PIK3R4: variants seen among roughly 807,000 people sequenced by gnomAD.
The protein encoded by PIK3R4 is phosphoinositide 3-kinase regulatory subunit 4.
PIK3R4 carries 46 observed loss-of-function variants against 136.5 expected under a neutral mutation model. The ratio of observed to expected loss-of-function variants is 0.34; its 90% CI spans 0.27 to 0.43. The LOEUF (loss-of-function observed/expected upper bound fraction) is 0.43. PIK3R4 is among the 20% of genes least tolerant of loss of function. The pLI, the probability that PIK3R4 is intolerant of heterozygous loss-of-function variation, is 1.00. For missense variants in PIK3R4, 1,331 were observed against 1,649.5 expected (o/e 0.81, Z 3.35); for synonymous variants, 557 against 566.7 (o/e 0.98, Z 0.24).
At chr3:130,734,270 C>T in intron 3 of PIK3R4, 140 bp from the exon 4 acceptor site, 1 of 662,010 alleles carries the variant, frequency 1.5e-6, no homozygotes, top group Non-Finnish European at 2.6e-6. Context: ...CTCCATCATC[C>T]TAGAAAGCAG....
chr3:130,713,736 G>A (rs192825566), intron 9 of PIK3R4, among the ~76,000 whole-genome samples: 30 of 152,226 alleles, frequency 2.0e-4, no homozygotes, highest in African/African-American at 6.3e-4. Flanking sequence ...GCAATGGCGC[G>A]ATCTCAGCTC....
At position 130,690,616 on chromosome 3, in the gene PIK3R4, T is replaced by G. The variant is rs769162853; in HGVS notation, c.3137A>C (p.Lys1046Thr). Residue 1046 changes from lysine (K) to threonine (T), a missense_variant, in exon 14 of 20, where the codon AAG (lysine) becomes ACG (threonine). This residue lies in a region of PIK3R4 where 1,180 missense variants were observed against 1,407.0 expected (regional missense o/e 0.84). Coordinates refer to ENST00000356763, the MANE Select transcript of PIK3R4 (RefSeq NM_014602.3). Reference protein sequence around the residue: ...LTYSRIGGRVKTLTFCQGSHY... With the variant: ...LTYSRIGGRVTTLTFCQGSHY... ...GGAGCCTTGGCAGAATGTGAGCGTC[T>G]TGACTCGTCCTCCAATTCGGCTGTA... is the stretch of plus-strand genomic sequence containing the variant. 11 of 1,611,444 alleles carry G rather than the reference T, an allele frequency of 6.8e-6. No homozygotes were observed. Among genetic ancestry groups the G allele is most frequent in the African/African-American group, 1.3e-5 (1 of 74,978 alleles).
intron 12 of PIK3R4, among the ~76,000 whole-genome samples, chr3:130,705,289 G>A (rs1053523647): frequency 1.3e-5 from 2 of 152,196 alleles, no homozygotes; most frequent in Non-Finnish European, 2.9e-5. Context: ...GCATTAAACA[G>A]GCAAAACCTA....
intron 13 of PIK3R4, among the ~76,000 whole-genome samples, chr3:130,700,685 T>C (rs1292948417): frequency 6.6e-6 from 1 of 152,212 alleles, no homozygotes; most frequent in African/African-American, 2.4e-5. Flanking sequence ...GAAACTCCTC[T>C]TAGTCAGAAT....
chr3:130,721,110 C>T (rs1405303042), intron 7 of PIK3R4, among the ~76,000 whole-genome samples: 5 of 151,286 alleles, frequency 3.3e-5, no homozygotes, highest in South Asian at 2.1e-4. Context: ...CTGAGGCGGG[C>T]GGATCACGAG....
At chr3:130,693,127 G>A (rs746645877) in intron 13 of PIK3R4, among the ~76,000 whole-genome samples, 3 of 152,094 alleles carry the variant, frequency 2.0e-5, no homozygotes, top group Non-Finnish European at 4.4e-5. Flanking sequence ...TTAGCATACT[G>A]TTTTCAAGGT....
chr3:130,690,112 TCA>T, intron 14 of PIK3R4, among the ~76,000 whole-genome samples: 1 of 152,288 alleles, frequency 6.6e-6, no homozygotes, highest in Middle Eastern at 3.4e-3. Flanking sequence ...TGAAGAACAC[TCA>T]CATTCTCAAA....
rs757385067 is a variant in PIK3R4 at position 130,733,748 on chromosome 3, C to T, written c.1250G>A (p.Arg417His). The change falls in exon 4 of 20, where the codon CGT becomes CAT. Residue 417 changes from arginine to histidine, a missense_variant. By Grantham distance (29) the Arg-to-His change is conservative. Around this residue, in one of 2 missense-constraint regions of PIK3R4, gnomAD observed 1,180 missense variants for 1,407.0 expected, o/e 0.84. Transcript: ENST00000356763. ...GAAATGCAAAAGATATGGAGTAATA[C>T]GATCCAAAAGGATTTCAACACTTAA... The part of the protein sequence containing the change: ...PRLSVEILLD[R>H]ITPYLLHFSN... 62 of 1,613,984 alleles carry T rather than the reference C, an allele frequency of 3.8e-5. No individual in the cohort carries two copies. Among genetic ancestry groups the T allele is most frequent in the Non-Finnish European group, 4.6e-5 (54 of 1,179,994 alleles).
chr3:130,735,772 G>A (rs1250592587), intron 3 of PIK3R4, 97 bp downstream of exon 3: 2 of 1,115,550 alleles, frequency 1.8e-6, no homozygotes, highest in Admixed American at 4.6e-5. Flanking sequence ...TTTACTGCTT[G>A]ATTCCAAATT....
intron 2 of PIK3R4, among the ~76,000 whole-genome samples, chr3:130,740,647 T>C (rs887769262): frequency 5.3e-5 from 8 of 152,072 alleles, no homozygotes; most frequent in Non-Finnish European, 8.8e-5. Context: ...GGCAGCAGCA[T>C]GATACCCAGG....
Position 130,679,307 on chromosome 3 carries a change from A to G in PIK3R4, c.*8T>C. The G allele has an allele frequency of 6.5e-7, 1 of 1,545,816 alleles. No individual in the cohort carries two copies. Among genetic ancestry groups the G allele is most frequent in the Non-Finnish European group, 8.8e-7 (1 of 1,134,062 alleles). ...ATAACTATTAAAATTTATACAAATC[A>G]GTAGGTTTTATTTCCACACCTTCAC... is the stretch of plus-strand genomic sequence containing the variant. On this transcript the variant is annotated 3_prime_UTR_variant, in exon 20 of 20. Coordinates refer to ENST00000356763, the MANE Select transcript of PIK3R4 (RefSeq NM_014602.3).
At chr3:130,705,848 T>A in intron 11 of PIK3R4, 77 bp from the exon 12 acceptor site, 2 of 754,306 alleles carry the variant, frequency 2.7e-6, no homozygotes, top group Non-Finnish European at 4.4e-6. Flanking sequence ...TGCATGTTTT[T>A]ATCTATAAAT....
chr3:130,745,082 C>T lies in PIK3R4; in HGVS notation c.137G>A (p.Arg46Gln), dbSNP rs765466339. The change falls in exon 2 of 20, where the codon CGA becomes CAA. Residue 46 changes from arginine to glutamine, a missense_variant. Around this residue, in one of 2 missense-constraint regions of PIK3R4, gnomAD observed 151 missense variants for 242.5 expected, o/e 0.62. Transcript: ENST00000356763. ...AACCTTCACAACGACCAGGCCTTCT[C>T]GGTGCTTGGCTCGAGCAACTTTAAA... The part of the protein sequence containing the change: ...RFFKVARAKH[R>Q]EGLVVVKVFA... 2.5e-6 allele frequency: 4 copies of T among 1,613,838 alleles called. No homozygotes were observed. Among genetic ancestry groups the T allele is most frequent in the Non-Finnish European group, 8.5e-7 (1 of 1,179,970 alleles).
rs1217485683 is a variant in PIK3R4 at position 130,679,033 on chromosome 3, T to TA, written c.*281dup. ...TTCAACCATCTTTTTCAATACAAAA[T>TA]AAACATATTCATTTTCATATTTTAC... is the stretch of plus-strand genomic sequence containing the variant. On this transcript the variant is annotated 3_prime_UTR_variant, in exon 20 of 20. Transcript: ENST00000356763. The TA allele has an allele frequency of 3.2e-5, 6 of 187,110 alleles. No individual in the cohort carries two copies. Among genetic ancestry groups the TA allele is most frequent in the Non-Finnish European group, 5.5e-5 (5 of 91,238 alleles). The allele number at this position is 187,110 out of a possible 1,614,324, so 11.6% of individuals were successfully genotyped here. A position where few individuals can be genotyped will look rare whatever the true frequency, so the allele number is the denominator to read the frequency against.
rs535073457 is a variant in PIK3R4 at position 130,690,379 on chromosome 3, G to A, written c.3263+111C>T. On this transcript the variant is annotated intron_variant, in intron 14 of 19. Transcript: ENST00000356763. ...ATTTTATGGGCTTAAAAAAAGAAGT[G>A]CAATGTAAGAGGCCCTTAGTTGATC... 1.2e-5 allele frequency: 6 copies of A among 483,812 alleles called. No homozygotes were observed. The South Asian group carries it at 2.7e-4, about 22-fold the overall frequency. The allele number at this position is 483,812 out of a possible 1,614,324, so 30.0% of individuals were successfully genotyped here.
Position 130,684,390 on chromosome 3 carries a change from A to G in PIK3R4, c.3476-9T>C. 1 of 1,611,056 alleles carries G rather than the reference A, an allele frequency of 6.2e-7. No homozygotes were observed. Among genetic ancestry groups the G allele is most frequent in the Non-Finnish European group, 8.5e-7 (1 of 1,177,736 alleles). On this transcript the variant is annotated splice_polypyrimidine_tract_variant and intron_variant, in intron 15 of 19. Coordinates refer to ENST00000356763, the MANE Select transcript of PIK3R4 (RefSeq NM_014602.3). ...GGTACCACTGCTTGTACCTTAAAGA[A>G]AAAAGGAAAAAAAGATTACCATCTA... is the stretch of plus-strand genomic sequence containing the variant.
At chr3:130,716,957 C>A (rs1454526134) in intron 8 of PIK3R4, among the ~76,000 whole-genome samples, 1 of 152,140 alleles carries the variant, frequency 6.6e-6, no homozygotes, top group African/African-American at 2.4e-5. Flanking sequence ...AGGTACTGAT[C>A]CAGAAAAGAT....
chr3:130,739,652 T>C (rs573448618), intron 2 of PIK3R4, among the ~76,000 whole-genome samples: 53 of 152,162 alleles, frequency 3.5e-4, no homozygotes, highest in African/African-American at 1.0e-3. Flanking sequence ...GATTACAAGT[T>C]TGAGCCACCA....
intron 9 of PIK3R4, among the ~76,000 whole-genome samples, chr3:130,713,065 A>G (rs1196902086): frequency 1.3e-5 from 2 of 152,220 alleles, no homozygotes; most frequent in Non-Finnish European, 2.9e-5. Context: ...AATAGGAATA[A>G]CACCTGTTGC....
Sources: gnomAD v4.1 joint callset for allele counts (sites outside exome capture counted in the v4.1 genomes callset) on GRCh38, gnomAD v4.1.1 for gene constraint, gnomAD v4.1.1 regional missense constraint, MANE v1.5 for transcripts, NCBI Gene and HGNC (gene_info 2026-07-23, HGNC 2026-07-21) for gene names.